The following MIEN1 variants were observed in gnomAD, a reference collection of about 807,000 sequenced individuals.
MIEN1 encodes migration and invasion enhancer 1.
In MIEN1, 12 loss-of-function variants were observed where a neutral mutation model predicts 15.5. That is an observed-to-expected ratio of 0.78 (90% confidence interval 0.50 to 1.26). The LOEUF (loss-of-function observed/expected upper bound fraction) is 1.26. Among genes scored for constraint, MIEN1 ranks in the 50% most tolerant of loss-of-function variants. The probability of loss-of-function intolerance (pLI) is 0.00; values close to 1 mark genes in which losing one functional copy is unlikely to be tolerated. For synonymous variants in MIEN1, 63 were observed against 62.8 expected (o/e 1.00, Z -0.02); for missense variants, 160 against 151.7 (o/e 1.05, Z -0.29).
chr17:39,729,488 C>G lies in MIEN1; in HGVS notation c.*34G>C, dbSNP rs1567919186. The G allele has an allele frequency of 6.2e-7, 1 of 1,612,504 alleles. No homozygotes were observed. Among genetic ancestry groups the G allele is most frequent in the Non-Finnish European group, 8.5e-7 (1 of 1,179,926 alleles). Reference sequence around the variant, plus strand: ...CCAAAGGGAGACCAAGGTTTGGACCCCAGAACAGAGCAGGAACCCAGAGTC... The same window carrying G: ...CCAAAGGGAGACCAAGGTTTGGACCGCAGAACAGAGCAGGAACCCAGAGTC... On this transcript the variant is annotated 3_prime_UTR_variant, in exon 4 of 4. Transcript: ENST00000394231.
At position 39,728,536 on chromosome 17, in the gene MIEN1, G is replaced by A; in HGVS notation, c.*986C>T. 4.3e-6 allele frequency: 1 copy of A among 235,244 alleles called. No individual in the cohort carries two copies. The highest frequency in any genetic ancestry group is 8.4e-6 in the Non-Finnish European group (1 of 119,532). The allele number at this position is 235,244 out of a possible 1,614,324, so 14.6% of individuals were successfully genotyped here. A position where few individuals can be genotyped will look rare whatever the true frequency, so the allele number is the denominator to read the frequency against. ...TTTCTGTTTAGTTTTTACTTTTTTT[G>A]TTTTGTTTTTTTAAAGATGAAATAA... On this transcript the variant is annotated 3_prime_UTR_variant, in exon 4 of 4. Transcript: ENST00000394231.
chr17:39,729,934 C>G, intron 2 of MIEN1, 173 bp from the exon 3 acceptor site: 1 of 828,838 alleles, frequency 1.2e-6, no homozygotes, highest in Non-Finnish European at 1.9e-6. Flanking sequence ...TGAGGGAGGC[C>G]TCGCCTGTGT....
intron 1 of MIEN1, 30 bp from the exon 2 acceptor site, chr17:39,730,321 G>A: frequency 1.9e-6 from 3 of 1,579,254 alleles, no homozygotes; most frequent in Non-Finnish European, 1.7e-6. Context: ...GGCTGGGCTG[G>A]GGATTCGGGG....
At position 39,729,208 on chromosome 17, in the gene MIEN1, G is replaced by C; in HGVS notation, c.*314C>G. 4.7e-6 allele frequency: 2 copies of C among 422,972 alleles called. No individual in the cohort carries two copies. The highest frequency in any genetic ancestry group is 4.3e-5 in the East Asian group (1 of 23,142). 26.2% of individuals were successfully genotyped at this position (422,972 alleles called of 1,614,324 possible). ...CAATAGCTGACATTGCCCTGGGTTAGGGGAGAATAAATAAAATCTGTGGCA... is the reference window on the plus strand; with the variant it reads ...CAATAGCTGACATTGCCCTGGGTTACGGGAGAATAAATAAAATCTGTGGCA... On this transcript the variant is annotated 3_prime_UTR_variant, in exon 4 of 4. Transcript: ENST00000394231.
Position 39,729,425 on chromosome 17 carries a change from T to C in MIEN1, c.*97A>G, listed in dbSNP as rs1329771866. On this transcript the variant is annotated 3_prime_UTR_variant, in exon 4 of 4. Transcript: ENST00000394231. The stretch of plus-strand genomic sequence containing the variant: ...GGCCAGGGTCTCTTTGCTAAGGAGC[T>C]AAGTAGGGGAAAGAGGCAGGGGGAG... 1.3e-5 allele frequency: 20 copies of C among 1,494,582 alleles called. No individual in the cohort carries two copies. Among genetic ancestry groups the C allele is most frequent in the Non-Finnish European group, 1.6e-5 (17 of 1,085,000 alleles). 92.6% of individuals were successfully genotyped at this position (1,494,582 alleles called of 1,614,324 possible).
In MIEN1 at chr17:39,730,208, C is replaced by G; in HGVS notation, c.173G>C (p.Arg58Pro). 6.2e-7 allele frequency: 1 copy of G among 1,606,344 alleles called. No homozygotes were observed. Among genetic ancestry groups the G allele is most frequent in the Non-Finnish European group, 8.5e-7 (1 of 1,178,954 alleles). The change falls in exon 2 of 4, where the codon CGC becomes CCC. Residue 58 changes from arginine to proline, a missense_variant. Coordinates refer to ENST00000394231, the MANE Select transcript of MIEN1 (RefSeq NM_032339.5). ...GCGAGCCTCACCTGTGCCCCCGAGG[C>G]GCGACTCGATCTCGATGCCCGGATA... ...EQYPGIEIES[R>P]LGGTGAFEIE...
rs370459758 is a variant in MIEN1 at position 39,729,614 on chromosome 17, G to T, written c.265-9C>A. ...CGGATGGCCTCAATGAGCTAGAGGA[G>T]TGGAATGACAGGATGATGCACTGTT... is the stretch of plus-strand genomic sequence containing the variant. On this transcript the variant is annotated splice_polypyrimidine_tract_variant and intron_variant, in intron 3 of 3. Transcript: ENST00000394231. 1.7e-5 allele frequency: 27 copies of T among 1,614,022 alleles called. No homozygotes were observed. In the South Asian group the frequency reaches 2.7e-4, roughly 16 times the overall value.
chr17:39,729,952 G>C (rs907900760), intron 2 of MIEN1, 191 bp from the exon 3 acceptor site: 10 of 739,286 alleles, frequency 1.4e-5, no homozygotes, highest in Non-Finnish European at 2.0e-5. Flanking sequence ...TGTGCCCCTC[G>C]CAACACTCAA....
chr17:39,729,917 G>T, intron 2 of MIEN1, 156 bp from the exon 3 acceptor site: 1 of 943,258 alleles, frequency 1.1e-6, no homozygotes, highest in East Asian at 2.6e-5. Context: ...GTCAACTCCA[G>T]GGAACCTGAG....
chr17:39,729,922 C>G (rs2059926151), intron 2 of MIEN1, 161 bp from the exon 3 acceptor site: 1 of 924,918 alleles, frequency 1.1e-6, no homozygotes, highest in South Asian at 1.6e-5. Flanking sequence ...CTCCAGGGAA[C>G]CTGAGGGAGG....
Sources: gnomAD v4.1 joint callset for allele counts on GRCh38, gnomAD v4.1.1 for gene constraint, MANE v1.5 for transcripts, NCBI Gene and HGNC (gene_info 2026-07-23, HGNC 2026-07-21) for gene names.